Variants in VIPR2 observed in about 807,000 individuals in gnomAD.
VIPR2 encodes the protein vasoactive intestinal peptide receptor 2.
A neutral mutation model predicts 58.0 loss-of-function variants in VIPR2; 48 were observed. The ratio of observed to expected loss-of-function variants is 0.83; its 90% confidence interval spans 0.66 to 1.05. VIPR2 has a LOEUF of 1.05. VIPR2 is among the 50% of genes least tolerant of loss of function. The pLI is 0.00. For synonymous variants in VIPR2, 243 were observed against 235.2 expected (o/e 1.03, Z -0.30); for missense variants, 534 against 558.0 (o/e 0.96, Z 0.43).
At chr7:159,064,035 C>A (rs1043948444) in intron 4 of VIPR2, among the ~76,000 whole-genome samples, 1 of 151,960 alleles carries the variant, frequency 6.6e-6, no homozygotes, top group Non-Finnish European at 1.5e-5. Flanking sequence ...TCCCCTGAGA[C>A]TTCCTCAGGC....
Position 159,036,000 on chromosome 7 carries a change from A to C in VIPR2, c.761T>G (p.Val254Gly). ...GGCCGCAGTCCATGCACCGATGCAG[A>C]CGGTGGGGAGGCCTGCAGAGAGACG... ...YLLIGWGLPT[V>G]CIGAWTAARL... Residue 254 changes from valine to glycine, a missense_variant, in exon 8 of 13, where the codon GTC becomes GGC. By Grantham distance (109) the Val-to-Gly change is moderately radical. Transcript: ENST00000262178. 6.2e-7 allele frequency: 1 copy of C among 1,613,454 alleles called. No individual in the cohort carries two copies. The highest frequency in any genetic ancestry group is 8.5e-7 in the Non-Finnish European group (1 of 1,179,804).
At chr7:159,143,751 C>T (rs996293664) in intron 1 of VIPR2, among the ~76,000 whole-genome samples, 2 of 152,258 alleles carry the variant, frequency 1.3e-5, no homozygotes, top group Non-Finnish European at 2.9e-5. Flanking sequence ...TAATACCTGA[C>T]GTTCCTGGAA....
At chr7:159,035,832 C>A in intron 8 of VIPR2, 120 bp downstream of exon 8, 1 of 1,451,522 alleles carries the variant, frequency 6.9e-7, no homozygotes, top group Non-Finnish European at 9.1e-7. Flanking sequence ...GCGTGGCTGT[C>A]GGTTGGCCGC....
chr7:159,036,609 TCA>T, intron 7 of VIPR2, 141 bp downstream of exon 7: 1 of 1,089,358 alleles, frequency 9.2e-7, no homozygotes, highest in Non-Finnish European at 1.3e-6. Context: ...GAGCCTCCAG[TCA>T]TCCTGGAAGA....
In VIPR2 at chr7:159,129,785, GGGGGGA is replaced by G. The variant is rs1563352211; in HGVS notation, c.151+12655_151+12660del. Among the ~76,000 whole-genome samples the G allele has an allele frequency of 2.5e-4, 32 of 129,068 alleles. 1 individual carries two copies. Among genetic ancestry groups the G allele is most frequent in the African/African-American group, 3.9e-4 (12 of 31,082 alleles). The allele number at this position is 129,068 out of a possible 152,430, so 84.7% of individuals were successfully genotyped here. On this transcript the variant is annotated intron_variant, in intron 2 of 12. Transcript: ENST00000262178. ...CTCTGTTCCCTCAAACTGGCCTCTG[GGGGGGA>G]CAGGGCCAGGTGACCAGCTTCACAC...
At chr7:159,069,176 C>G (rs1387924044) in intron 4 of VIPR2, among the ~76,000 whole-genome samples, 1 of 152,216 alleles carries the variant, frequency 6.6e-6, no homozygotes, top group Non-Finnish European at 1.5e-5. Context: ...TCACTACCGC[C>G]TCAGCAACTG....
rs527972829 is a variant in VIPR2 at position 159,057,341 on chromosome 7, T to G, written c.455+1140A>C. Among the ~76,000 whole-genome samples, 100 of 152,348 alleles carry G rather than the reference T, an allele frequency of 6.6e-4. 1 individual carries two copies. The highest frequency in any genetic ancestry group is 2.2e-3 in the African/African-American group (92 of 41,584). ...GATTTTAAAAATAACTAGAATATGA[T>G]AGGCCTTCCTCACTTTTCAAAGTGC... On this transcript the variant is annotated intron_variant, in intron 5 of 12. Transcript: ENST00000262178.
intron 4 of VIPR2, among the ~76,000 whole-genome samples, chr7:159,078,394 A>C (rs1183152254): frequency 6.6e-6 from 1 of 152,218 alleles, no homozygotes; most frequent in Non-Finnish European, 1.5e-5. Context: ...GAAATGAGAC[A>C]TCCCCATGTT....
At chr7:159,042,331 T>G (rs1057344592) in intron 6 of VIPR2, among the ~76,000 whole-genome samples, 3 of 152,148 alleles carry the variant, frequency 2.0e-5, no homozygotes, top group Non-Finnish European at 4.4e-5. Flanking sequence ...TGGAGTGCTC[T>G]GGGCCAGCAG....
intron 6 of VIPR2, among the ~76,000 whole-genome samples, chr7:159,041,767 C>T (rs779253839): frequency 1.3e-5 from 2 of 151,948 alleles, no homozygotes; most frequent in African/African-American, 2.4e-5. Flanking sequence ...CTCTGAGGGT[C>T]TGTCAAGTGT....
intron 4 of VIPR2, among the ~76,000 whole-genome samples, chr7:159,085,686 A>C (rs1336408519): frequency 1.3e-5 from 2 of 151,392 alleles, no homozygotes; most frequent in Non-Finnish European, 2.9e-5. Context: ...GTCTCCCACC[A>C]CAAGAATCCA....
chr7:159,067,998 G>A (rs1416496909), intron 4 of VIPR2, among the ~76,000 whole-genome samples: 1 of 152,246 alleles, frequency 6.6e-6, no homozygotes, highest in African/African-American at 2.4e-5. Context: ...GAGCAATCCA[G>A]GCTGCGGCTC....
intron 4 of VIPR2, among the ~76,000 whole-genome samples, chr7:159,090,513 G>A (rs1337392811): frequency 2.6e-4 from 9 of 33,968 alleles, no homozygotes; most frequent in African/African-American, 7.8e-4. Flanking sequence ...TGCGACCATT[G>A]CAATCCCCGG....
chr7:159,062,716 G>T (rs571588972), intron 4 of VIPR2, among the ~76,000 whole-genome samples: 2 of 152,114 alleles, frequency 1.3e-5, no homozygotes, highest in African/African-American at 4.8e-5. Flanking sequence ...AAAAGAACAC[G>T]ACTGCCACAG....
chr7:159,058,258 G>C (rs1173827194), intron 5 of VIPR2, among the ~76,000 whole-genome samples: 2 of 152,200 alleles, frequency 1.3e-5, no homozygotes, highest in Non-Finnish European at 2.9e-5. Flanking sequence ...TGATAGCTGA[G>C]CTGAGTTCCT....
chr7:159,102,474 C>T (rs796072972), intron 4 of VIPR2, among the ~76,000 whole-genome samples: 1 of 152,154 alleles, frequency 6.6e-6, no homozygotes, highest in South Asian at 2.1e-4. Flanking sequence ...TGATAATGAC[C>T]CATATACCAT....
intron 5 of VIPR2, among the ~76,000 whole-genome samples, chr7:159,044,335 G>A (rs763467513): frequency 6.6e-6 from 1 of 152,026 alleles, no homozygotes; most frequent in Non-Finnish European, 1.5e-5. Flanking sequence ...CCGGCAGCAA[G>A]AAATAACAAA....
At position 159,144,736 on chromosome 7, in the gene VIPR2, G is replaced by A. The variant is rs1367284554; in HGVS notation, c.36C>T (p.Cys12=). The A allele has an allele frequency of 1.5e-6, 2 of 1,309,458 alleles. No individual in the cohort carries two copies. The highest frequency in any genetic ancestry group is 1.9e-6 in the Non-Finnish European group (2 of 1,031,380). The allele number at this position is 1,309,458 out of a possible 1,614,324, so 81.1% of individuals were successfully genotyped here. ...GCGCACTCACGGGGGCGAGCAGCCA[G>A]CAGGTCAGCAGCGCGGGAGGCAGCA... ...RTLLPPALLT[C]WLLAPVNSIH... Residue 12 remains cysteine, a synonymous_variant, in exon 1 of 13, where the codon TGC becomes TGT. Coordinates refer to ENST00000262178, the MANE Select transcript of VIPR2 (RefSeq NM_003382.5).
intron 4 of VIPR2, among the ~76,000 whole-genome samples, chr7:159,064,777 G>A (rs1002251748): frequency 8.5e-5 from 13 of 152,184 alleles, no homozygotes; most frequent in East Asian, 7.7e-4. Context: ...ACCCGGGGCC[G>A]CCTGTGCACA....
Sources: gnomAD v4.1 joint callset for allele counts (sites outside exome capture counted in the v4.1 genomes callset) on GRCh38, gnomAD v4.1.1 for gene constraint, MANE v1.5 for transcripts, NCBI Gene and HGNC (gene_info 2026-07-23, HGNC 2026-07-21) for gene names.